EPN1: variants seen among roughly 807,000 people sequenced by gnomAD.
EPN1 encodes the protein epsin 1, also known as epsin-1.
EPN1 carries 25 observed loss-of-function variants against 56.9 expected under a neutral mutation model. The observed-to-expected ratio is 0.44, with a 90% CI of 0.32 to 0.61. The LOEUF (loss-of-function observed/expected upper bound fraction) is 0.61, where lower values mean the gene tolerates loss of function less well. Among genes scored for constraint, EPN1 ranks in the 20% least tolerant of loss-of-function variants. The probability of loss-of-function intolerance (pLI) is 0.05; values close to 1 mark genes in which losing one functional copy is unlikely to be tolerated. For synonymous variants in EPN1, 411 were observed against 361.8 expected, an observed-to-expected ratio of 1.14 and a Z score of -1.54; for missense variants, 785 against 823.7, an observed-to-expected ratio of 0.95 and a Z score of 0.58.
chr19:55,679,783 A>G (rs1985688050), intron 2 of EPN1, among the ~76,000 whole-genome samples: 1 of 152,104 alleles, frequency 6.6e-6, no homozygotes, highest in Non-Finnish European at 1.5e-5. Context: ...ACCCATCCCG[A>G]CACACCAGGA....
rs755806726 is a variant in EPN1 at position 55,693,001 on chromosome 19, C to A, written c.1228C>A (p.Leu410Ile). ...EPDEFSDFDR[L>I]RTALPTSGSS... ...CGACGAGTTCTCTGACTTTGACCGA[C>A]TCCGCACGGCACTGCCGACCTCCGG... Residue 410 changes from leucine (L) to isoleucine (I), a missense_variant, in exon 9 of 11, where the codon CTC becomes ATC. Physicochemically the swap from Leu to Ile is conservative, Grantham distance 5 (BLOSUM62 2). Coordinates refer to ENST00000270460, the MANE Select transcript of EPN1 (RefSeq NM_001130072.2). The A allele has an allele frequency of 6.2e-7, 1 of 1,613,422 alleles. No homozygotes were observed. Among genetic ancestry groups the A allele is most frequent in the Non-Finnish European group, 8.5e-7 (1 of 1,179,628 alleles).
chr19:55,690,383 T>TC (rs1302508654), intron 6 of EPN1, among the ~76,000 whole-genome samples: 1 of 152,246 alleles, frequency 6.6e-6, no homozygotes, highest in Admixed American at 6.5e-5. Context: ...GGAGGCATGG[T>TC]CCCGCCCTCG....
chr19:55,682,924 T>C (rs1985916345), intron 2 of EPN1, among the ~76,000 whole-genome samples: 1 of 150,052 alleles, frequency 6.7e-6, no homozygotes, highest in Admixed American at 6.6e-5. Context: ...GCCTGGCTAA[T>C]TTTTGTATTT....
At chr19:55,677,976 T>C (rs992706689) in intron 1 of EPN1, among the ~76,000 whole-genome samples, 4 of 152,234 alleles carry the variant, frequency 2.6e-5, no homozygotes, top group Non-Finnish European at 1.5e-5. Context: ...TGGGTTGACC[T>C]TAGCTACAGA....
chr19:55,690,193 C>G (rs1351363530), intron 6 of EPN1, among the ~76,000 whole-genome samples: 1 of 152,214 alleles, frequency 6.6e-6, no homozygotes. Context: ...CCCCTTCGGG[C>G]TGAGCACCGT....
chr19:55,694,761 C>G lies in EPN1; in HGVS notation c.1300C>G (p.Arg434Gly). 2.5e-6 allele frequency: 4 copies of G among 1,592,882 alleles called. No individual in the cohort carries two copies. The highest frequency in any genetic ancestry group is 3.4e-6 in the Non-Finnish European group (4 of 1,167,184). ...LELLAGEVPA[R>G]SPGAFDMSGV... ...GCTGCTGGCAGGAGAGGTGCCGGCC[C>G]GAAGCCCTGGGGCGTTTGACATGAG... is the stretch of plus-strand genomic sequence containing the variant. Residue 434 changes from arginine (R) to glycine (G), a missense_variant, in exon 10 of 11, where the codon CGA (arginine) becomes GGA (glycine). Arg to Gly is a moderately radical substitution (Grantham distance 125). This residue lies in a region of EPN1 where 650 missense variants were observed against 605.0 expected (regional missense o/e 1.07). Transcript: ENST00000270460. The surrounding 1 kb of genome is among the most constrained non-coding windows in gnomAD (Gnocchi z 4.2).
At position 55,692,708 on chromosome 19, in the gene EPN1, C is replaced by T; in HGVS notation, c.1089C>T (p.Pro363=). Reference sequence around the variant, plus strand: ...CAGGTGGGGTCCCGGTCAGTGGGCCCTCAGCCTCCGATCCCTGGACACCGG... The same window carrying T: ...CAGGTGGGGTCCCGGTCAGTGGGCCTTCAGCCTCCGATCCCTGGACACCGG... The part of the protein sequence containing the change: ...SSDGGVPVSG[P]SASDPWTPAP... The change falls in exon 8 of 11, where the codon CCC becomes CCT. Residue 363 remains proline, a synonymous_variant. Coordinates refer to ENST00000270460, the MANE Select transcript of EPN1 (RefSeq NM_001130072.2). The T allele has an allele frequency of 6.4e-7, 1 of 1,554,046 alleles. No homozygotes were observed. The highest frequency in any genetic ancestry group is 2.4e-5 in the East Asian group (1 of 41,428).
rs1433771870 is a variant in EPN1, at chr19:55,704,762, CCGCCTGT to C, written c.*9407_*9413del. 6.5e-6 allele frequency: 1 copy of C among 152,824 alleles called. No individual in the cohort carries two copies. The highest frequency in any genetic ancestry group is 1.5e-5 in the Non-Finnish European group (1 of 68,444). The allele number at this position is 152,824 out of a possible 1,614,324, so 9.5% of individuals were successfully genotyped here. A position where few individuals can be genotyped will look rare whatever the true frequency, so the allele number is the denominator to read the frequency against. ...CACCTACATCTCTCTCCTTGGCCTGCCGCCTGTGATGCTCCTGGGCCCCCTGCTCCAG... is the reference window on the plus strand; with the variant it reads ...CACCTACATCTCTCTCCTTGGCCTGCGATGCTCCTGGGCCCCCTGCTCCAG... On this transcript the variant is annotated 3_prime_UTR_variant, in exon 11 of 11. Transcript: ENST00000270460.
chr19:55,693,287 G>C (rs545905328), intron 9 of EPN1: 9 of 490,302 alleles, frequency 1.8e-5, no homozygotes, highest in Admixed American at 3.5e-5. Flanking sequence ...CCCGAATGTT[G>C]ACCTCTGACC....
intron 2 of EPN1, 118 bp from the exon 3 acceptor site, chr19:55,685,278 C>T (rs1331289803): frequency 2.3e-6 from 3 of 1,291,030 alleles, no homozygotes; most frequent in Non-Finnish European, 3.2e-6. Flanking sequence ...CACCCACTGG[C>T]GACAGGTGGG....
rs1987300683 is a variant in EPN1 at position 55,704,514 on chromosome 19, A to G, written c.*9158A>G. 6.6e-6 allele frequency: 1 copy of G among 152,248 alleles called. No individual in the cohort carries two copies. The highest frequency in any genetic ancestry group is 1.5e-5 in the Non-Finnish European group (1 of 68,072). 9.4% of individuals were successfully genotyped at this position (152,248 alleles called of 1,614,324 possible). The stretch of plus-strand genomic sequence containing the variant: ...AGGCCTTGGCGGAAGCCAACCCTGC[A>G]GCACCTTCATCTTGAATTTCTGGTT... On this transcript the variant is annotated 3_prime_UTR_variant, in exon 11 of 11. Transcript: ENST00000270460.
Position 55,681,225 on chromosome 19 carries a change from G to A in EPN1, c.228+2370G>A, listed in dbSNP as rs573598942. Among the ~76,000 whole-genome samples the A allele has an allele frequency of 5.3e-5, 8 of 152,322 alleles. No homozygotes were observed. The South Asian group carries it at 1.0e-3, about 20-fold the overall frequency. On this transcript the variant is annotated intron_variant, in intron 2 of 10. Coordinates refer to ENST00000270460, the MANE Select transcript of EPN1 (RefSeq NM_001130072.2). ...GGGTGAGTATTGGTGAGTAAGGGCCGGCGTTTATTTGGTACCTTGTACGTG... is the reference window on the plus strand; with the variant it reads ...GGGTGAGTATTGGTGAGTAAGGGCCAGCGTTTATTTGGTACCTTGTACGTG...
intron 3 of EPN1, 45 bp downstream of exon 3, chr19:55,685,690 C>T (rs766520691): frequency 4.5e-5 from 69 of 1,548,854 alleles, no homozygotes; most frequent in Non-Finnish European, 5.1e-5. Context: ...GTCTGTCCTC[C>T]GCCTACTGCG....
Position 55,700,799 on chromosome 19 carries a change from G to C in EPN1, c.*5443G>C, listed in dbSNP as rs984960323. On this transcript the variant is annotated 3_prime_UTR_variant, in exon 11 of 11. Transcript: ENST00000270460. ...AGGTATAACTCATGCATTGATGGGG[G>C]TAACCCCTACAGCAGTTAACCCTGC... The C allele has an allele frequency of 6.6e-6, 1 of 152,290 alleles. No individual in the cohort carries two copies. The highest frequency in any genetic ancestry group is 2.4e-5 in the African/African-American group (1 of 41,456). The allele number at this position is 152,290 out of a possible 1,614,324, so 9.4% of individuals were successfully genotyped here. A position where few individuals can be genotyped will look rare whatever the true frequency, so the allele number is the denominator to read the frequency against.
rs1203985323 is a variant in EPN1 at position 55,692,869 on chromosome 19, G to A, written c.1177+73G>A. The A allele has an allele frequency of 8.2e-6, 13 of 1,593,116 alleles. No individual in the cohort carries two copies. The African/African-American group carries it at 1.5e-4, about 18-fold the overall frequency. ...AGAAGTTAGTGTTGAGTGTCCTAAG[G>A]GAGGGGTGGACGCCTGGACTGGAGG... On this transcript the variant is annotated intron_variant, in intron 8 of 10. Coordinates refer to ENST00000270460, the MANE Select transcript of EPN1 (RefSeq NM_001130072.2).
At position 55,675,421 on chromosome 19, in the gene EPN1, C is replaced by A. The variant is rs1194482016; in HGVS notation, c.-116C>A. On this transcript the variant is annotated 5_prime_UTR_variant, in exon 1 of 11. Transcript: ENST00000270460. ...ACCGCCATGACCCCCCAGAGCCCGG[C>A]GTGAGGGGGCCGAGGTGAGCGCGGG... 3.3e-5 allele frequency: 5 copies of A among 151,876 alleles called. No individual in the cohort carries two copies. Among genetic ancestry groups the A allele is most frequent in the African/African-American group, 7.3e-5 (3 of 41,354 alleles). The allele number at this position is 151,876 out of a possible 1,614,324, so 9.4% of individuals were successfully genotyped here. A position where few individuals can be genotyped will look rare whatever the true frequency, so the allele number is the denominator to read the frequency against.
At chr19:55,693,574 T>C (rs1456472335) in intron 9 of EPN1, among the ~76,000 whole-genome samples, 1 of 152,218 alleles carries the variant, frequency 6.6e-6, no homozygotes, top group East Asian at 1.9e-4. Context: ...GAGTCCTGAG[T>C]GGCTCTTCGT....
chr19:55,694,665 T>G lies in EPN1; in HGVS notation c.1265-61T>G. 1 of 1,506,606 alleles carries G rather than the reference T, an allele frequency of 6.6e-7. No individual in the cohort carries two copies. Among genetic ancestry groups the G allele is most frequent in the Non-Finnish European group, 8.8e-7 (1 of 1,130,982 alleles). 93.3% of individuals were successfully genotyped at this position (1,506,606 alleles called of 1,614,324 possible). On this transcript the variant is annotated intron_variant, in intron 9 of 10. Coordinates refer to ENST00000270460, the MANE Select transcript of EPN1 (RefSeq NM_001130072.2). The surrounding 1 kb of genome is among the most constrained non-coding windows in gnomAD (Gnocchi z 4.2). ...CGCCCCCTATGATGGCCTATACTGC[T>G]CCCGGGTTGGAGCCTCACTGCTGTC...
At chr19:55,683,639 C>T (rs1008957796) in intron 2 of EPN1, among the ~76,000 whole-genome samples, 1 of 152,258 alleles carries the variant, frequency 6.6e-6, no homozygotes, top group African/African-American at 2.4e-5. Context: ...AGGCGTGAGC[C>T]ACCACACCTG....
Sources: gnomAD v4.1 joint callset for allele counts (sites outside exome capture counted in the v4.1 genomes callset) on GRCh38, gnomAD v4.1.1 for gene constraint, gnomAD v4.1.1 regional missense constraint, Gnocchi (gnomAD v3.1) non-coding constraint, MANE v1.5 for transcripts, NCBI Gene and HGNC (gene_info 2026-07-23, HGNC 2026-07-21) for gene names.